Variants in CDH12 observed in about 807,000 individuals in gnomAD.
CDH12 encodes cadherin 12.
In CDH12, 41 loss-of-function variants were observed where a neutral mutation model predicts 74.1. The observed-to-expected ratio is 0.55, with a 90% confidence interval of 0.43 to 0.72. The LOEUF (loss-of-function observed/expected upper bound fraction) is 0.72, where lower values mean the gene tolerates loss of function less well. Among genes scored for constraint, CDH12 ranks in the 30% least tolerant of loss-of-function variants. The pLI is 0.00. For missense variants in CDH12, 945 were observed against 977.2 expected (o/e 0.97, Z 0.44); for synonymous variants, 399 against 355.0 (o/e 1.12, Z -1.39).
intron 1 of CDH12, among the ~76,000 whole-genome samples, chr5:22,849,648 C>A (rs957335442): frequency 6.6e-6 from 1 of 152,040 alleles, no homozygotes; most frequent in East Asian, 1.9e-4. Flanking sequence ...AGGAATAATA[C>A]GTAAGTCCTG....
At chr5:22,212,218 C>T (rs4583855) in intron 4 of CDH12, 133,792 of 152,174 alleles carry the variant, frequency 0.88, 58,920 homozygotes, top group East Asian at 0.97. Context: ...AATGCACAAC[C>T]CTCCAAATAG....
chr5:22,587,869 T>C (rs1003897201), intron 1 of CDH12, among the ~76,000 whole-genome samples: 1 of 149,340 alleles, frequency 6.7e-6, no homozygotes, highest in Non-Finnish European at 1.5e-5. Context: ...TATATACATA[T>C]ATAGCACACA....
At chr5:22,491,632 A>AAC (rs1324383503) in intron 2 of CDH12, among the ~76,000 whole-genome samples, 1 of 151,192 alleles carries the variant, frequency 6.6e-6, no homozygotes, top group Non-Finnish European at 1.5e-5. Flanking sequence ...CAAAAAAAAA[A>AAC]ACAAAAACAA....
rs562850158 is a variant in CDH12, at chr5:22,395,888, GAAGA to G, written c.-333+9365_-333+9368del. ...ACATTAAGCCAGTGAAGAAAAATAAGAAGAAAGAGTCAGTAAGGATATGTGGTTT... is the reference window on the plus strand; with the variant it reads ...ACATTAAGCCAGTGAAGAAAAATAAGAAGAGTCAGTAAGGATATGTGGTTT... On this transcript the variant is annotated intron_variant, in intron 3 of 14. Coordinates refer to ENST00000382254, the MANE Select transcript of CDH12 (RefSeq NM_004061.5). 2.6e-3 allele frequency among the ~76,000 whole-genome samples: 393 copies of G among 152,222 alleles called. 2 individuals are homozygous for G. The highest frequency in any genetic ancestry group is 9.0e-3 in the African/African-American group (376 of 41,548).
chr5:21,855,793 C>T (rs1489561726), intron 6 of CDH12, among the ~76,000 whole-genome samples: 1 of 151,592 alleles, frequency 6.6e-6, no homozygotes, highest in South Asian at 2.1e-4. Flanking sequence ...ACTCATTCAG[C>T]CTTTTCTCTA....
At chr5:22,413,652 T>C (rs1282789181) in intron 2 of CDH12, among the ~76,000 whole-genome samples, 1 of 152,034 alleles carries the variant, frequency 6.6e-6, no homozygotes, top group Non-Finnish European at 1.5e-5. Context: ...CTATGGCATA[T>C]GGGCTTAAGG....
chr5:22,819,814 T>C (rs1312804423), intron 1 of CDH12, among the ~76,000 whole-genome samples: 2 of 150,656 alleles, frequency 1.3e-5, no homozygotes, highest in Non-Finnish European at 3.0e-5. Flanking sequence ...AAAATTAAGA[T>C]ATCCAGATAC....
At chr5:22,580,396 G>T (rs1374745913) in intron 1 of CDH12, 4 of 491,818 alleles carry the variant, frequency 8.1e-6, no homozygotes, top group Non-Finnish European at 1.7e-5. Flanking sequence ...CCATCGTAGG[G>T]TGGGTAGGGA....
chr5:22,709,788 A>G (rs1743200411), intron 1 of CDH12, among the ~76,000 whole-genome samples: 1 of 152,220 alleles, frequency 6.6e-6, no homozygotes, highest in Non-Finnish European at 1.5e-5. Context: ...ACCAACATTG[A>G]GAGCTCAGAT....
In CDH12 at chr5:22,000,407, T is replaced by C. The variant is rs186437442; in HGVS notation, c.232-25022A>G. Among the ~76,000 whole-genome samples, 1,139 of 152,298 alleles carry C rather than the reference T, an allele frequency of 7.5e-3. 13 individuals are homozygous for C. The highest frequency in any genetic ancestry group is 0.026 in the African/African-American group (1,067 of 41,562). ...CAGCCGTTGGCCTGAGTGCAAATGA[T>C]ATCTGCAAGACCAAACAGATAAAGC... On this transcript the variant is annotated intron_variant, in intron 5 of 14. Transcript: ENST00000382254.
intron 3 of CDH12, among the ~76,000 whole-genome samples, chr5:22,377,131 C>G (rs548096851): frequency 1.3e-5 from 2 of 152,048 alleles, no homozygotes; most frequent in African/African-American, 2.4e-5. Flanking sequence ...AGAGTGAACA[C>G]GTGGGTTTCC....
intron 3 of CDH12, among the ~76,000 whole-genome samples, chr5:22,245,995 T>G (rs1458935125): frequency 2.0e-5 from 3 of 152,180 alleles, no homozygotes; most frequent in Admixed American, 2.0e-4. Context: ...AATAACTATG[T>G]AACAAGTGGT....
Position 22,748,934 on chromosome 5 carries a change from G to A in CDH12, c.-523+104124C>T, listed in dbSNP as rs149130357. ...TATTTTTGCTGGAGTCACAATACCT[G>A]TCCTTGAAACTCACTGGGCTGGGAG... On this transcript the variant is annotated intron_variant, in intron 1 of 14. Coordinates refer to ENST00000382254, the MANE Select transcript of CDH12 (RefSeq NM_004061.5). Among the ~76,000 whole-genome samples, 30 of 152,246 alleles carry A rather than the reference G, an allele frequency of 2.0e-4. 1 individual carries two copies. The East Asian group carries it at 5.6e-3, about 28-fold the overall frequency.
intron 11 of CDH12, among the ~76,000 whole-genome samples, chr5:21,769,995 C>T (rs756679883): frequency 6.6e-6 from 1 of 152,170 alleles, no homozygotes; most frequent in African/African-American, 2.4e-5. Flanking sequence ...TTTCTCAACG[C>T]TCTATGATAG....
chr5:21,757,279 G>A (rs574393668), intron 13 of CDH12, among the ~76,000 whole-genome samples: 2 of 152,152 alleles, frequency 1.3e-5, no homozygotes, highest in African/African-American at 2.4e-5. Flanking sequence ...GGGTTCAAGC[G>A]ATTCTCCTGC....
chr5:22,348,032 C>A (rs1740190526), intron 3 of CDH12, among the ~76,000 whole-genome samples: 1 of 152,172 alleles, frequency 6.6e-6, no homozygotes, highest in Admixed American at 6.5e-5. Context: ...AGAACCAAAG[C>A]TCATGCCCAG....
chr5:21,986,825 A>C lies in CDH12; in HGVS notation c.232-11440T>G, dbSNP rs1271263827. 2.6e-4 allele frequency among the ~76,000 whole-genome samples: 39 copies of C among 152,104 alleles called. 1 individual carries two copies. The highest frequency in any genetic ancestry group is 2.6e-3 in the Admixed American group (39 of 15,270). ...TTATTGTTAGCATTTCATTATTTCC[A>C]ATATTAGCTCTTATCGAATATTATA... On this transcript the variant is annotated intron_variant, in intron 5 of 14. Transcript: ENST00000382254.
chr5:22,555,309 T>C (rs958840113), intron 1 of CDH12, among the ~76,000 whole-genome samples: 2 of 152,030 alleles, frequency 1.3e-5, no homozygotes, highest in Admixed American at 6.6e-5. Flanking sequence ...AGTGAAATAA[T>C]CAAAGATAAA....
At chr5:22,612,609 C>T (rs757147410) in intron 1 of CDH12, among the ~76,000 whole-genome samples, 33 of 151,948 alleles carry the variant, frequency 2.2e-4, no homozygotes, top group Non-Finnish European at 3.5e-4. Context: ...CTCCTCATTC[C>T]GTACTGTAAA....
Sources: allele counts gnomAD v4.1 joint callset (sites outside exome capture counted in the v4.1 genomes callset), GRCh38; gene constraint gnomAD v4.1.1; transcripts MANE v1.5; gene names NCBI Gene and HGNC (gene_info 2026-07-23, HGNC 2026-07-21).